ATF7IP2: variants seen among roughly 807,000 people sequenced by gnomAD.
ATF7IP2 encodes activating transcription factor 7 interacting protein 2.
A neutral mutation model predicts 64.2 loss-of-function variants in ATF7IP2; 42 were observed. The observed-to-expected ratio is 0.65, with a 90% CI of 0.51 to 0.85. The LOEUF is 0.85. Among genes scored for constraint, ATF7IP2 ranks in the 40% least tolerant of loss-of-function variants. ATF7IP2 has a pLI of 0.00. For synonymous variants in ATF7IP2, 308 were observed against 272.8 expected (o/e 1.13, Z -1.27); for missense variants, 933 against 784.2 (o/e 1.19, Z -2.27).
In ATF7IP2 at chr16:10,483,038, G is replaced by A. The variant is rs1369729744; in HGVS notation, c.*789G>A. On this transcript the variant is annotated 3_prime_UTR_variant, in exon 14 of 14. Transcript: ENST00000562102. The stretch of plus-strand genomic sequence containing the variant: ...CAAAAATTAAAAGATTTTATGAAAC[G>A]AAATGGCTTCCCATTCTTTCTATTC... 1.3e-5 allele frequency: 2 copies of A among 152,284 alleles called. No homozygotes were observed. The highest frequency in any genetic ancestry group is 2.1e-4 in the South Asian group (1 of 4,826). 9.4% of individuals were successfully genotyped at this position (152,284 alleles called of 1,614,324 possible).
intron 8 of ATF7IP2, chr16:10,448,992 C>T (rs2048900017): frequency 6.6e-6 from 1 of 152,014 alleles, no homozygotes; most frequent in Non-Finnish European, 1.5e-5. Context: ...TCCATCAGTA[C>T]CTAGTTTATT....
At chr16:10,471,163 A>G (rs2049784841) in intron 9 of ATF7IP2, among the ~76,000 whole-genome samples, 1 of 152,084 alleles carries the variant, frequency 6.6e-6, no homozygotes, top group Non-Finnish European at 1.5e-5. Context: ...TCATACCATA[A>G]ACAAAAATTA....
Position 10,473,951 on chromosome 16 carries a change from T to C in ATF7IP2, c.1511T>C (p.Ile504Thr), listed in dbSNP as rs2049907419. Residue 504 changes from isoleucine to threonine, a missense_variant, in exon 12 of 14, where the codon ATT (isoleucine) becomes ACT (threonine). Coordinates refer to ENST00000562102, the MANE Select transcript of ATF7IP2 (RefSeq NM_001393719.1). ...GTACAGAAGAAACTTGATTCTATAA[T>C]TGATTTGACAAAAGAAGGCCTATCC... ...MAVQKKLDSI[I>T]DLTKEGLSNC... 2 of 1,598,054 alleles carry C rather than the reference T, an allele frequency of 1.3e-6. No homozygotes were observed.
At chr16:10,414,667 G>GT (rs1567436983) in intron 2 of ATF7IP2, 55 bp downstream of exon 2, 4 of 110,110 alleles carry the variant, frequency 3.6e-5, no homozygotes, top group East Asian at 3.0e-4. Context: ...GTGTGTTTGG[G>GT]CGGGGGGGTG....
chr16:10,430,881 A>G lies in ATF7IP2; in HGVS notation c.261A>G (p.Lys87=). 2 of 1,613,742 alleles carry G rather than the reference A, an allele frequency of 1.2e-6. No individual in the cohort carries two copies. Among genetic ancestry groups the G allele is most frequent in the African/African-American group, 1.3e-5 (1 of 75,046 alleles). Residue 87 remains lysine (K), a synonymous_variant, in exon 5 of 14, where the codon AAA becomes AAG. Coordinates refer to ENST00000562102, the MANE Select transcript of ATF7IP2 (RefSeq NM_001393719.1). ...LDSNKNSISE[K]SKVFSQNCIK... ...CTAATAAAAATTCAATATCAGAGAA[A>G]AGTAAAGTATTCTCTCAGAATTGCA...
intron 1 of ATF7IP2, among the ~76,000 whole-genome samples, chr16:10,404,158 G>A (rs961143360): frequency 1.3e-5 from 2 of 152,180 alleles, no homozygotes; most frequent in Non-Finnish European, 2.9e-5. Flanking sequence ...TCAAGTCAAG[G>A]TGAAGGAAAG....
chr16:10,414,088 C>T (rs2047823036), intron 1 of ATF7IP2, among the ~76,000 whole-genome samples: 2 of 152,058 alleles, frequency 1.3e-5, no homozygotes, highest in Admixed American at 1.3e-4. Flanking sequence ...AGTGAATTTC[C>T]CAGGTGTTCT....
intron 6 of ATF7IP2, among the ~76,000 whole-genome samples, chr16:10,435,068 A>T (rs901424066): frequency 2.0e-5 from 3 of 152,186 alleles, no homozygotes; most frequent in African/African-American, 7.2e-5. Context: ...GCGCCCAGCC[A>T]GAAGTAACTT....
chr16:10,472,846 A>G (rs1236095118), intron 10 of ATF7IP2, among the ~76,000 whole-genome samples: 1 of 130,514 alleles, frequency 7.7e-6, no homozygotes, highest in African/African-American at 3.3e-5. Context: ...AAACAGCAAG[A>G]CTCCGTCTCA....
At chr16:10,446,133 C>A (rs2048795787) in intron 8 of ATF7IP2, 2 of 152,204 alleles carry the variant, frequency 1.3e-5, no homozygotes, top group Admixed American at 1.3e-4. Flanking sequence ...AGTTACTCAG[C>A]AAGAGCCACC....
intron 3 of ATF7IP2, among the ~76,000 whole-genome samples, chr16:10,425,908 TTAAAGG>T (rs1419239374): frequency 4.6e-5 from 7 of 150,732 alleles, no homozygotes; most frequent in Admixed American, 1.3e-4. Context: ...AAAAAAAAAG[TTAAAGG>T]TAAAGGATGG....
At chr16:10,418,686 C>T (rs973162453) in intron 2 of ATF7IP2, among the ~76,000 whole-genome samples, 23 of 152,154 alleles carry the variant, frequency 1.5e-4, no homozygotes, top group African/African-American at 5.6e-4. Flanking sequence ...AATATTTGTT[C>T]TTTTAATTTT....
At chr16:10,405,112 C>T (rs917848913) in intron 1 of ATF7IP2, among the ~76,000 whole-genome samples, 10 of 151,906 alleles carry the variant, frequency 6.6e-5, no homozygotes, top group African/African-American at 9.7e-5. Context: ...CCTGTAATCT[C>T]GGCACTTTGG....
intron 12 of ATF7IP2, among the ~76,000 whole-genome samples, chr16:10,476,691 G>A (rs568277798): frequency 6.6e-6 from 1 of 151,866 alleles, no homozygotes; most frequent in Non-Finnish European, 1.5e-5. Flanking sequence ...AGTGTGTGTT[G>A]TTCCCCTCCC....
At chr16:10,445,474 T>C (rs2048769288) in intron 8 of ATF7IP2, 1 of 152,130 alleles carries the variant, frequency 6.6e-6, no homozygotes, top group Admixed American at 6.6e-5. Context: ...ACATGGACAA[T>C]AGCTATTTAT....
chr16:10,416,124 A>T (rs2047870757), intron 2 of ATF7IP2, among the ~76,000 whole-genome samples: 1 of 152,264 alleles, frequency 6.6e-6, no homozygotes, highest in South Asian at 2.1e-4. Context: ...AAAGGAAATC[A>T]GTATATCAAA....
chr16:10,438,077 T>G (rs1596511183), intron 6 of ATF7IP2, 24 bp from the exon 7 acceptor site: 2 of 1,511,560 alleles, frequency 1.3e-6, no homozygotes, highest in Non-Finnish European at 1.8e-6. Flanking sequence ...GTAGGGTGTT[T>G]TGGTTTTTAT....
chr16:10,443,274 C>G (rs987661999), intron 8 of ATF7IP2, among the ~76,000 whole-genome samples: 4 of 152,134 alleles, frequency 2.6e-5, no homozygotes, highest in Non-Finnish European at 4.4e-5. Context: ...ATGAGAGACA[C>G]AAAGTAAAAT....
At chr16:10,438,066 C>CGT (rs1009099467) in intron 6 of ATF7IP2, 35 bp from the exon 7 acceptor site, 5 of 1,472,556 alleles carry the variant, frequency 3.4e-6, no homozygotes, top group Non-Finnish European at 4.5e-6. Context: ...AAATTTGAAA[C>CGT]GTAGGGTGTT....
Sources: gnomAD v4.1 joint callset for allele counts (sites outside exome capture counted in the v4.1 genomes callset) on GRCh38, gnomAD v4.1.1 for gene constraint, MANE v1.5 for transcripts, NCBI Gene and HGNC (gene_info 2026-07-23, HGNC 2026-07-21) for gene names.